The following DMBT1 variants were observed in gnomAD, a reference collection of about 807,000 sequenced individuals.
DMBT1 encodes the protein deleted in malignant brain tumors 1, also known as scavenger receptor cysteine-rich domain-containing protein DMBT1.
In DMBT1, 198 loss-of-function variants were observed where a neutral mutation model predicts 252.9. The observed-to-expected ratio is 0.78, with a 90% CI of 0.70 to 0.88. The LOEUF is 0.88. Ranked by LOEUF, DMBT1 falls within the 40% of genes least tolerant of loss-of-function variation. DMBT1 has a pLI of 0.00. For synonymous variants in DMBT1, 990 were observed against 942.7 expected (o/e 1.05, Z -0.92); for missense variants, 2,432 against 2,404.7 (o/e 1.01, Z -0.24).
intron 16 of DMBT1, among the ~76,000 whole-genome samples, chr10:122,586,624 C>G (rs964114122): frequency 6.7e-6 from 1 of 148,300 alleles, no homozygotes. Flanking sequence ...ACTGAGGCAG[C>G]GCAAGCAGAG....
intron 4 of DMBT1, among the ~76,000 whole-genome samples, chr10:122,571,422 T>G (rs2097662710): frequency 6.6e-6 from 1 of 152,146 alleles, no homozygotes; most frequent in Admixed American, 6.5e-5. Context: ...TTTAAAGGCT[T>G]TGGAGGATGG....
In DMBT1 at chr10:122,639,022, G is replaced by A. The variant is rs546381596; in HGVS notation, c.6943-1018G>A. The stretch of plus-strand genomic sequence containing the variant: ...CAGAACCATATGGCCATGAGCTGCG[G>A]GTCTAAGACATAGAAGTAGGGCTGT... On this transcript the variant is annotated intron_variant, in intron 54 of 55. Transcript: ENST00000338354. Among the ~76,000 whole-genome samples the A allele has an allele frequency of 2.6e-5, 4 of 152,326 alleles. No individual in the cohort carries two copies. The South Asian group carries it at 8.3e-4, about 32-fold the overall frequency.
At chr10:122,569,395 T>C (rs2097639556) in intron 2 of DMBT1, among the ~76,000 whole-genome samples, 1 of 152,212 alleles carries the variant, frequency 6.6e-6, no homozygotes, top group South Asian at 2.1e-4. Flanking sequence ...ATATCCTCAA[T>C]GGAAAAGAGA....
intron 16 of DMBT1, among the ~76,000 whole-genome samples, chr10:122,586,671 G>T (rs1441324201): frequency 6.7e-6 from 1 of 148,274 alleles, no homozygotes; most frequent in East Asian, 2.1e-4. Context: ...GCCTTTTAGT[G>T]TGGCTGGAAA....
intron 10 of DMBT1, among the ~76,000 whole-genome samples, chr10:122,580,406 T>C (rs1335390581): frequency 3.0e-4 from 46 of 152,216 alleles, no homozygotes; most frequent in Middle Eastern, 6.8e-3. Context: ...GGGTTGGAGT[T>C]CTTGACCTCA....
At chr10:122,572,399 C>A (rs1210229664) in intron 5 of DMBT1, 38 bp downstream of exon 5, 10 of 1,606,546 alleles carry the variant, frequency 6.2e-6, no homozygotes, top group Non-Finnish European at 8.5e-6. Flanking sequence ...GGGCTCATTA[C>A]CCCTCTGTAC....
intron 55 of DMBT1, among the ~76,000 whole-genome samples, chr10:122,640,713 T>G (rs2261679): frequency 0.56 from 84,890 of 152,094 alleles, 26,283 homozygotes; most frequent in African/African-American, 0.84. Flanking sequence ...GGAGATGGGT[T>G]TCTGGAGAAT....
Position 122,630,989 on chromosome 10 carries a change from T to C in DMBT1, c.6054T>C (p.Asn2018=), listed in dbSNP as rs748136002. 2.5e-6 allele frequency: 4 copies of C among 1,604,388 alleles called. No homozygotes were observed. Among genetic ancestry groups the C allele is most frequent in the South Asian group, 2.2e-5 (2 of 90,890 alleles). Residue 2018 remains asparagine (N), a synonymous_variant, in exon 49 of 56, where the codon AAT becomes AAC. Coordinates refer to ENST00000338354, the MANE Select transcript of DMBT1 (RefSeq NM_001377530.1). ...SDATLRLVNL[N]SSYGLCAGRV... is the part of the protein sequence containing the mutation. The stretch of plus-strand genomic sequence containing the variant: ...CCACCTTGAGGTTGGTCAATTTAAA[T>C]TCATCCTATGGTCTATGTGCCGGGC...
chr10:122,623,377 T>C (rs1357306437), intron 44 of DMBT1, among the ~76,000 whole-genome samples: 1 of 152,200 alleles, frequency 6.6e-6, no homozygotes, highest in Non-Finnish European at 1.5e-5. Flanking sequence ...TAGTGTACGG[T>C]TTTTTGTTTG....
Position 122,585,231 on chromosome 10 carries a change from T to C in DMBT1, c.1421-40T>C, listed in dbSNP as rs1040019248. On this transcript the variant is annotated intron_variant, in intron 14 of 55. Coordinates refer to ENST00000338354, the MANE Select transcript of DMBT1 (RefSeq NM_001377530.1). ...CTTTTCCTTTTGGAGATTTTCACCA[T>C]CAACTTTAATTCTAGCCTTTGTCTC... 10 of 1,580,346 alleles carry C rather than the reference T, an allele frequency of 6.3e-6. 1 individual carries two copies. Among genetic ancestry groups the C allele is most frequent in the Middle Eastern group, 3.3e-4 (2 of 6,028 alleles).
rs777077042 is a variant in DMBT1, at chr10:122,570,951, T to C, written c.187+14T>C. ...CTGTAGCAGAAGGTAACGTCTACTA[T>C]GGGGGATCCCTGTGGGCTCATTACC... is the stretch of plus-strand genomic sequence containing the variant. On this transcript the variant is annotated intron_variant, in intron 4 of 55. Coordinates refer to ENST00000338354, the MANE Select transcript of DMBT1 (RefSeq NM_001377530.1). 10 of 1,612,100 alleles carry C rather than the reference T, an allele frequency of 6.2e-6. No individual in the cohort carries two copies. The East Asian group carries it at 2.0e-4, about 32-fold the overall frequency.
At chr10:122,622,050 C>G (rs1307002374) in intron 44 of DMBT1, among the ~76,000 whole-genome samples, 1 of 152,174 alleles carries the variant, frequency 6.6e-6, no homozygotes, top group Non-Finnish European at 1.5e-5. Context: ...TATCCTGAGA[C>G]TTGCTGACTT....
rs76250467 is a variant in DMBT1, at chr10:122,635,246, G to A, written c.6549-745G>A. ...TACTTTGCCTTTGTAAATAGGAAAA[G>A]CTTTAGAGAGATTATTTGACTTGCC... On this transcript the variant is annotated intron_variant, in intron 52 of 55. Coordinates refer to ENST00000338354, the MANE Select transcript of DMBT1 (RefSeq NM_001377530.1). Among the ~76,000 whole-genome samples the A allele has an allele frequency of 3.7e-4, 56 of 152,274 alleles. 1 individual carries two copies. In the East Asian group the frequency reaches 0.01, roughly 27 times the overall value.
intron 44 of DMBT1, 73 bp downstream of exon 44, chr10:122,621,453 T>A (rs2098067901): frequency 6.2e-7 from 1 of 1,600,854 alleles, no homozygotes; most frequent in Admixed American, 1.7e-5. Flanking sequence ...AATTACATTC[T>A]GATCTCCTCA....
chr10:122,592,706 T>C lies in DMBT1; in HGVS notation c.2500+111T>C. ...CAAAGATTCTTCTATGTTTCCTATA[T>C]TTATGTAGTCTTGTTAGCTCTCTGC... is the stretch of plus-strand genomic sequence containing the variant. On this transcript the variant is annotated intron_variant, in intron 20 of 55. Coordinates refer to ENST00000338354, the MANE Select transcript of DMBT1 (RefSeq NM_001377530.1). The C allele has an allele frequency of 2.0e-6, 3 of 1,513,200 alleles. 1 individual carries two copies. Among genetic ancestry groups the C allele is most frequent in the South Asian group, 2.7e-5 (2 of 75,412 alleles). The allele number at this position is 1,513,200 out of a possible 1,614,324, so 93.7% of individuals were successfully genotyped here.
chr10:122,576,796 G>A (rs543456840), intron 7 of DMBT1, 74 bp downstream of exon 7: 4 of 1,578,474 alleles, frequency 2.5e-6, no homozygotes, highest in African/African-American at 2.7e-5. Flanking sequence ...GGAGGATGAG[G>A]TAGGCAGATT....
chr10:122,634,428 TCTTC>T (rs2098201428), intron 52 of DMBT1, among the ~76,000 whole-genome samples: 2 of 78,370 alleles, frequency 2.6e-5, no homozygotes, highest in Admixed American at 1.5e-4. Context: ...TCTCTCTCTC[TCTTC>T]TCTCTCTCTC....
At chr10:122,638,333 G>A (rs529672402) in intron 54 of DMBT1, among the ~76,000 whole-genome samples, 112 of 142,646 alleles carry the variant, frequency 7.9e-4, no homozygotes, top group Non-Finnish European at 1.4e-3. Flanking sequence ...ATTCACACCC[G>A]TTTGGAGCGG....
Position 122,631,040 on chromosome 10 carries a change from CT to C in DMBT1, c.6106del (p.Trp2036GlyfsTer21). 2 of 1,613,714 alleles carry C rather than the reference CT, an allele frequency of 1.2e-6. No homozygotes were observed. Among genetic ancestry groups the C allele is most frequent in the Non-Finnish European group, 1.7e-6 (2 of 1,179,668 alleles). On this transcript the variant is annotated frameshift_variant, in exon 49 of 56. Coordinates refer to ENST00000338354, the MANE Select transcript of DMBT1 (RefSeq NM_001377530.1). LOFTEE classifies it high-confidence loss of function. ...GTGTAGAAATTTACCATGGTGGCAC[CT>C]GGGGGACAGTTTGTGATGACTCCTG... ...GRVEIYHGGT[W>X]GTVCDDSWTI...
Sources: gnomAD v4.1 joint callset for allele counts (sites outside exome capture counted in the v4.1 genomes callset) on GRCh38, gnomAD v4.1.1 for gene constraint, MANE v1.5 for transcripts, NCBI Gene and HGNC (gene_info 2026-07-23, HGNC 2026-07-21) for gene names.